The following NR3C2 variants were observed in gnomAD, a reference collection of about 807,000 sequenced individuals.
NR3C2 encodes the protein nuclear receptor subfamily 3 group C member 2.
In NR3C2, 15 loss-of-function variants were observed where a neutral mutation model predicts 86.4. That is an observed-to-expected ratio of 0.17 (90% CI 0.12 to 0.27). NR3C2 has a LOEUF of 0.27. NR3C2 is among the 10% of genes least tolerant of loss of function. The probability of loss-of-function intolerance (pLI) is 1.00; values close to 1 mark genes in which losing one functional copy is unlikely to be tolerated. For synonymous variants in NR3C2, 458 were observed against 450.5 expected, an observed-to-expected ratio of 1.02 and a Z score of -0.21; for missense variants, 960 against 1,195.6, an observed-to-expected ratio of 0.80 and a Z score of 2.91.
chr4:148,245,465 C>A (rs1739273188), intron 3 of NR3C2, among the ~76,000 whole-genome samples: 2 of 152,172 alleles, frequency 1.3e-5, no homozygotes, highest in African/African-American at 4.8e-5. Context: ...CTTAATTTCT[C>A]TAATTTCCTC....
chr4:148,159,378 T>TA (rs1734553461), intron 4 of NR3C2, among the ~76,000 whole-genome samples: 1 of 152,348 alleles, frequency 6.6e-6, no homozygotes, highest in Middle Eastern at 3.4e-3. Context: ...TTCTACTGTG[T>TA]AATGACCCAC....
intron 2 of NR3C2, among the ~76,000 whole-genome samples, chr4:148,389,443 A>G (rs1747428289): frequency 6.6e-6 from 1 of 152,194 alleles, no homozygotes; most frequent in Non-Finnish European, 1.5e-5. Context: ...TGGAAAATTT[A>G]CCGTCTCTCC....
intron 2 of NR3C2, among the ~76,000 whole-genome samples, chr4:148,285,794 A>C (rs1295133124): frequency 6.6e-6 from 1 of 152,222 alleles, no homozygotes; most frequent in Non-Finnish European, 1.5e-5. Flanking sequence ...TGGAGATGTG[A>C]TAAAGTAACT....
Position 148,080,195 on chromosome 4 carries a change from C to T in NR3C2, c.*1149G>A, listed in dbSNP as rs777192644. On this transcript the variant is annotated 3_prime_UTR_variant, in exon 9 of 9. Transcript: ENST00000358102. ...GCAGACACCGCAGTGTGTCATTCCC[C>T]GATGGAGCAGGATGAAGCAGAAGCC... 5.9e-5 allele frequency: 9 copies of T among 152,256 alleles called. No homozygotes were observed. Among genetic ancestry groups the T allele is most frequent in the African/African-American group, 1.7e-4 (7 of 41,424 alleles). 9.4% of individuals were successfully genotyped at this position (152,256 alleles called of 1,614,324 possible). A position where few individuals can be genotyped will look rare whatever the true frequency, so the allele number is the denominator to read the frequency against.
chr4:148,184,888 T>C (rs1241121804), intron 4 of NR3C2, among the ~76,000 whole-genome samples: 2 of 152,166 alleles, frequency 1.3e-5, no homozygotes, highest in African/African-American at 2.4e-5. Context: ...GCTCAGAAGT[T>C]CAAAATCTAG....
At chr4:148,442,689 T>G (rs1275976354), upstream of NR3C2, 2 of 985,234 alleles carry the variant, frequency 2.0e-6, no homozygotes, top group Non-Finnish European at 2.4e-6. Context: ...TGATACAAAG[T>G]TGCTGCGACA....
At position 148,110,390 on chromosome 4, in the gene NR3C2, G is replaced by C. The variant is rs77429904; in HGVS notation, c.2799+3714C>G. Among the ~76,000 whole-genome samples the C allele has an allele frequency of 1.2e-4, 18 of 152,286 alleles. No individual in the cohort carries two copies. The East Asian group carries it at 3.5e-3, about 29-fold the overall frequency. On this transcript the variant is annotated intron_variant, in intron 8 of 8. Transcript: ENST00000358102. The stretch of plus-strand genomic sequence containing the variant: ...AGCAGAACTTTGATCTACAGTCAAA[G>C]GTTCTTATGTGTGTGACCCTTAGAA...
intron 2 of NR3C2, among the ~76,000 whole-genome samples, chr4:148,379,625 G>A (rs1395600494): frequency 1.3e-5 from 2 of 152,120 alleles, no homozygotes; most frequent in African/African-American, 4.8e-5. Context: ...GAGGTAATAG[G>A]CCAATTTTGA....
chr4:148,334,905 G>T (rs1419647912), intron 2 of NR3C2, among the ~76,000 whole-genome samples: 2 of 152,122 alleles, frequency 1.3e-5, no homozygotes, highest in Non-Finnish European at 2.9e-5. Context: ...GGTGTTCTGT[G>T]GCAATCTTTA....
intron 1 of NR3C2, 111 bp from the exon 2 acceptor site, chr4:148,436,973 A>G: frequency 1.2e-6 from 1 of 854,986 alleles, no homozygotes; most frequent in Non-Finnish European, 1.8e-6. Context: ...ACTTATTATG[A>G]GCAACATTTC....
intron 2 of NR3C2, among the ~76,000 whole-genome samples, chr4:148,434,301 A>G (rs575271459): frequency 2.0e-5 from 3 of 152,334 alleles, no homozygotes; most frequent in African/African-American, 7.2e-5. Context: ...CTTTATAGTC[A>G]TATCTAAAAC....
chr4:148,252,994 T>C, intron 3 of NR3C2, among the ~76,000 whole-genome samples: 1 of 152,062 alleles, frequency 6.6e-6, no homozygotes, highest in East Asian at 1.9e-4. Context: ...AGTTGTACCT[T>C]GATTTAAAAT....
rs58582399 is a variant in NR3C2, at chr4:148,294,545, G to GT, written c.1758-34429dup. Among the ~76,000 whole-genome samples, 638 of 151,476 alleles carry GT rather than the reference G, an allele frequency of 4.2e-3. 7 individuals are homozygous for GT. Among genetic ancestry groups the GT allele is most frequent in the East Asian group, 0.039 (203 of 5,162 alleles). On this transcript the variant is annotated intron_variant, in intron 2 of 8. Transcript: ENST00000358102. ...TCATTACCTACTCCCTCACAAAACA[G>GT]TTTTTTTTCCTATTTTCTATAGTAA... is the stretch of plus-strand genomic sequence containing the variant.
In NR3C2 at chr4:148,279,406, T is replaced by TAATGTG. The variant is rs569585633; in HGVS notation, c.1758-19290_1758-19289insCACATT. Reference sequence around the variant, plus strand: ...TGAAGGCAAGCTTTAATTCCTTTTCTTCACATTATTGGATGAGCGATAACT... The same window carrying TAATGTG: ...TGAAGGCAAGCTTTAATTCCTTTTCTAATGTGTCACATTATTGGATGAGCGATAACT... On this transcript the variant is annotated intron_variant, in intron 2 of 8. Transcript: ENST00000358102. 4.3e-3 allele frequency among the ~76,000 whole-genome samples: 660 copies of TAATGTG among 152,354 alleles called. 1 individual carries two copies. Among genetic ancestry groups the TAATGTG allele is most frequent in the Non-Finnish European group, 7.6e-3 (517 of 68,044 alleles).
intron 6 of NR3C2, among the ~76,000 whole-genome samples, chr4:148,137,993 A>G (rs1733425805): frequency 6.6e-6 from 1 of 152,226 alleles, no homozygotes; most frequent in African/African-American, 2.4e-5. Context: ...TGATAAATCA[A>G]TATTTTAGAA....
intron 7 of NR3C2, among the ~76,000 whole-genome samples, chr4:148,115,379 T>A (rs1732227775): frequency 6.6e-6 from 1 of 152,236 alleles, no homozygotes; most frequent in Non-Finnish European, 1.5e-5. Flanking sequence ...GTTATGTTTA[T>A]GCCTTAACAC....
chr4:148,321,936 T>G (rs1038408744), intron 2 of NR3C2, among the ~76,000 whole-genome samples: 15 of 152,334 alleles, frequency 9.8e-5, no homozygotes, highest in Admixed American at 5.9e-4. Flanking sequence ...GTTAGCTGGT[T>G]ATTTTGCTCA....
In NR3C2 at chr4:148,260,212, C is replaced by T. The variant is rs138873191; in HGVS notation, c.1758-95G>A. On this transcript the variant is annotated intron_variant, in intron 2 of 8. Coordinates refer to ENST00000358102, the MANE Select transcript of NR3C2 (RefSeq NM_000901.5). ...TCAAAATTTGTCAATAATCATGGTT[C>T]GATACAAGAATTCAGTGTGTAATGA... The T allele has an allele frequency of 3.8e-5, 57 of 1,489,464 alleles. 1 individual carries two copies. The East Asian group carries it at 8.3e-4, about 22-fold the overall frequency. The allele number at this position is 1,489,464 out of a possible 1,614,324, so 92.3% of individuals were successfully genotyped here.
In NR3C2 at chr4:148,240,342, A is replaced by G. The variant is rs1433184243; in HGVS notation, c.1897+19636T>C. ...CGTTTTACACTTACAGAACATCTCAATGTAGATTAGCCATATTTCAAGTGT... is the reference window on the plus strand; with the variant it reads ...CGTTTTACACTTACAGAACATCTCAGTGTAGATTAGCCATATTTCAAGTGT... On this transcript the variant is annotated intron_variant, in intron 3 of 8. Coordinates refer to ENST00000358102, the MANE Select transcript of NR3C2 (RefSeq NM_000901.5). Among the ~76,000 whole-genome samples the G allele has an allele frequency of 9.9e-5, 15 of 151,538 alleles. No individual in the cohort carries two copies. The East Asian group carries it at 2.7e-3, about 27-fold the overall frequency.
Sources: allele counts gnomAD v4.1 joint callset (sites outside exome capture counted in the v4.1 genomes callset), GRCh38; gene constraint gnomAD v4.1.1; transcripts MANE v1.5; gene names NCBI Gene and HGNC (gene_info 2026-07-23, HGNC 2026-07-21).